HACD2: variants seen among roughly 807,000 people sequenced by gnomAD.
HACD2 encodes 3-hydroxyacyl-CoA dehydratase 2, also known as very-long-chain (3R)-3-hydroxyacyl-CoA dehydratase 2.
HACD2 carries 15 observed loss-of-function variants against 31.0 expected under a neutral mutation model. The observed-to-expected ratio is 0.48, with a 90% confidence interval of 0.32 to 0.75. The LOEUF (loss-of-function observed/expected upper bound fraction) is 0.75. Among genes scored for constraint, HACD2 ranks in the 30% least tolerant of loss-of-function variants. The pLI is 0.03. For missense variants in HACD2, 283 were observed against 313.0 expected (o/e 0.90, Z 0.72); for synonymous variants, 115 against 122.2 (o/e 0.94, Z 0.39).
At chr3:123,498,664 G>A (rs1203616318) in intron 6 of HACD2, among the ~76,000 whole-genome samples, 1 of 152,178 alleles carries the variant, frequency 6.6e-6, no homozygotes, top group East Asian at 1.9e-4. Context: ...CACCGCCCAG[G>A]GAAAAGCTGT....
rs1371275153 is a variant in HACD2, at chr3:123,492,089, C to T, written c.*2799G>A. On this transcript the variant is annotated 3_prime_UTR_variant, in exon 7 of 7. Transcript: ENST00000383657. ...TCATCTGCAAGGACAGTGCTTTATT[C>T]CATGACTAACTCTCCATGGTGCCTC... 1 of 152,192 alleles carries T rather than the reference C, an allele frequency of 6.6e-6. No homozygotes were observed. Among genetic ancestry groups the T allele is most frequent in the African/African-American group, 2.4e-5 (1 of 41,440 alleles). 9.4% of individuals were successfully genotyped at this position (152,192 alleles called of 1,614,324 possible). A position where few individuals can be genotyped will look rare whatever the true frequency, so the allele number is the denominator to read the frequency against.
intron 4 of HACD2, among the ~76,000 whole-genome samples, chr3:123,506,141 G>A (rs1396850299): frequency 6.6e-6 from 1 of 152,246 alleles, no homozygotes. Flanking sequence ...AATGGGTAGA[G>A]GCTTTGATAA....
intron 4 of HACD2, among the ~76,000 whole-genome samples, chr3:123,528,042 T>C (rs868398088): frequency 6.6e-6 from 1 of 152,192 alleles, no homozygotes; most frequent in African/African-American, 2.4e-5. Context: ...GCAGATTGCT[T>C]GAGCTCAGGA....
intron 4 of HACD2, among the ~76,000 whole-genome samples, chr3:123,513,922 T>C (rs1030094787): frequency 3.3e-5 from 5 of 152,150 alleles, no homozygotes; most frequent in African/African-American, 1.2e-4. Context: ...TTATGGGTGA[T>C]AGGATGTTAC....
intron 3 of HACD2, among the ~76,000 whole-genome samples, chr3:123,534,560 G>A (rs1004018642): frequency 1.4e-4 from 22 of 151,936 alleles, no homozygotes; most frequent in Non-Finnish European, 2.8e-4. Flanking sequence ...TATGTAACTG[G>A]TTTATGTATT....
At chr3:123,525,536 C>T (rs1017485673) in intron 4 of HACD2, among the ~76,000 whole-genome samples, 15 of 152,004 alleles carry the variant, frequency 9.9e-5, no homozygotes, top group African/African-American at 3.1e-4. Flanking sequence ...ATATACCTCA[C>T]GTGAAAAAAG....
chr3:123,497,956 G>T (rs2055854925), intron 6 of HACD2, among the ~76,000 whole-genome samples: 1 of 152,212 alleles, frequency 6.6e-6, no homozygotes, highest in Non-Finnish European at 1.5e-5. Flanking sequence ...AAAGGAGACT[G>T]CATGTCAACA....
intron 3 of HACD2, among the ~76,000 whole-genome samples, chr3:123,542,194 T>A (rs2720312): frequency 0.94 from 135,097 of 143,232 alleles, 64,279 homozygotes; most frequent in East Asian, 1. Flanking sequence ...TTTTTATCTT[T>A]AAAAAAATCA....
chr3:123,522,246 G>C (rs1260996474), intron 4 of HACD2, among the ~76,000 whole-genome samples: 1 of 150,792 alleles, frequency 6.6e-6, no homozygotes, highest in Middle Eastern at 3.2e-3. Flanking sequence ...TTGATCCCAG[G>C]AGTTTGAGAC....
At chr3:123,500,483 A>C in intron 6 of HACD2, 32 bp downstream of exon 6, 1 of 1,442,544 alleles carries the variant, frequency 6.9e-7, no homozygotes, top group South Asian at 1.3e-5. Flanking sequence ...ATTTTAAAAC[A>C]TAATTAAATA....
In HACD2 at chr3:123,494,411, C is replaced by T. The variant is rs535597564; in HGVS notation, c.*477G>A. On this transcript the variant is annotated 3_prime_UTR_variant, in exon 7 of 7. Coordinates refer to ENST00000383657, the MANE Select transcript of HACD2 (RefSeq NM_198402.5). ...GAGCATTCCAGAGAACAGAGTTTGCCGCTTCAAAAATACAAAGTTTCCAGC... is the reference window on the plus strand; with the variant it reads ...GAGCATTCCAGAGAACAGAGTTTGCTGCTTCAAAAATACAAAGTTTCCAGC... 66 of 179,628 alleles carry T rather than the reference C, an allele frequency of 3.7e-4. No homozygotes were observed. The highest frequency in any genetic ancestry group is 2.8e-3 in the South Asian group (21 of 7,390). The allele number at this position is 179,628 out of a possible 1,614,324, so 11.1% of individuals were successfully genotyped here. A position where few individuals can be genotyped will look rare whatever the true frequency, so the allele number is the denominator to read the frequency against.
At position 123,494,939 on chromosome 3, in the gene HACD2, G is replaced by C. The variant is rs1261328475; in HGVS notation, c.714C>G (p.His238Gln). The C allele has an allele frequency of 6.4e-6, 10 of 1,559,870 alleles. No homozygotes were observed. The highest frequency in any genetic ancestry group is 8.7e-6 in the Non-Finnish European group (10 of 1,150,604). The change falls in exon 7 of 7, where the codon CAC (histidine) becomes CAG (glutamine). Residue 238 changes from histidine (H) to glutamine (Q), a missense_variant. His to Gln is a conservative substitution (Grantham distance 24). Coordinates refer to ENST00000383657, the MANE Select transcript of HACD2 (RefSeq NM_198402.5). ...TATGAGAAAGGATCTTTCTTCTCTG[G>C]TGTATCATGTGGAAGTATAACTGGG... ...IFPQLYFHMIHQRRKILSHTE... is the reference protein window; with the variant it reads ...IFPQLYFHMIQQRRKILSHTE...
intron 3 of HACD2, among the ~76,000 whole-genome samples, chr3:123,545,209 C>A (rs1576767514): frequency 6.7e-6 from 1 of 149,100 alleles, no homozygotes; most frequent in Admixed American, 6.7e-5. Context: ...TGGTCAGGCG[C>A]AGTGGCTCAC....
chr3:123,500,434 G>T, intron 6 of HACD2, 81 bp downstream of exon 6: 2 of 884,584 alleles, frequency 2.3e-6, no homozygotes, highest in Admixed American at 2.7e-5. Flanking sequence ...TGGATATAGT[G>T]CAAAGACAGT....
chr3:123,555,656 C>T (rs2056665573), intron 3 of HACD2, among the ~76,000 whole-genome samples: 1 of 152,044 alleles, frequency 6.6e-6, no homozygotes, highest in Non-Finnish European at 1.5e-5. Flanking sequence ...CAATTATTCC[C>T]GACTTGCTCT....
intron 3 of HACD2, among the ~76,000 whole-genome samples, chr3:123,561,374 C>T (rs923876361): frequency 1.3e-5 from 2 of 152,100 alleles, no homozygotes; most frequent in South Asian, 2.1e-4. Context: ...AACCACAAAT[C>T]CAGGATATCC....
chr3:123,575,635 G>A (rs892636135), intron 2 of HACD2, among the ~76,000 whole-genome samples: 5 of 152,148 alleles, frequency 3.3e-5, no homozygotes, highest in African/African-American at 1.2e-4. Context: ...TCTTTGGTAA[G>A]GTGCTTTCAA....
At chr3:123,573,869 C>T (rs535957599) in intron 2 of HACD2, among the ~76,000 whole-genome samples, 15 of 152,186 alleles carry the variant, frequency 9.9e-5, no homozygotes, top group Admixed American at 5.9e-4. Flanking sequence ...TTGCTATTTC[C>T]ACCCCTATAA....
intron 2 of HACD2, among the ~76,000 whole-genome samples, chr3:123,577,854 C>G (rs1170085920): frequency 6.6e-6 from 1 of 152,136 alleles, no homozygotes; most frequent in Non-Finnish European, 1.5e-5. Flanking sequence ...CAACTCATTA[C>G]AGAGGAACTC....
Sources: allele counts gnomAD v4.1 joint callset (sites outside exome capture counted in the v4.1 genomes callset), GRCh38; gene constraint gnomAD v4.1.1; transcripts MANE v1.5; gene names NCBI Gene and HGNC (gene_info 2026-07-23, HGNC 2026-07-21).